CPNE1: variants seen among roughly 807,000 people sequenced by gnomAD.
The protein encoded by CPNE1 is copine-1.
In CPNE1, 58 loss-of-function variants were observed where a neutral mutation model predicts 63.2. The observed-to-expected ratio is 0.92, with a 90% CI of 0.74 to 1.14. The LOEUF is 1.14. CPNE1 is among the 50% of genes most tolerant of loss of function. CPNE1 has a pLI of 0.00. For missense variants in CPNE1, 672 were observed against 661.7 expected (o/e 1.02, Z -0.17); for synonymous variants, 237 against 249.0 (o/e 0.95, Z 0.45).
chr20:35,627,608 TAAATCAC>T, intron 13 of CPNE1, 195 bp from the exon 14 acceptor site: 2 of 505,238 alleles, frequency 4.0e-6, no homozygotes, highest in East Asian at 6.6e-5. Context: ...GGACTTGCCC[TAAATCAC>T]AGCTTGAATT....
chr20:35,633,035 C>A, intron 1 of CPNE1, 112 bp from the exon 2 acceptor site: 1 of 739,112 alleles, frequency 1.4e-6, no homozygotes, highest in Middle Eastern at 4.0e-4. Context: ...GCTGAGCATA[C>A]GTCCACCCCC....
At chr20:35,660,707 T>C (rs2034184663) in intron 1 of CPNE1, among the ~76,000 whole-genome samples, 2 of 152,216 alleles carry the variant, frequency 1.3e-5, no homozygotes, top group Non-Finnish European at 2.9e-5. Flanking sequence ...AGGGTAACTT[T>C]CTAGTTTCTA....
intron 3 of CPNE1, 66 bp from the exon 4 acceptor site, chr20:35,632,451 C>T (rs1228856692): frequency 6.2e-7 from 1 of 1,604,388 alleles, no homozygotes; most frequent in Non-Finnish European, 8.5e-7. Flanking sequence ...TGCCCCCTAC[C>T]TCCAGGCAGG....
intron 1 of CPNE1, among the ~76,000 whole-genome samples, chr20:35,661,686 C>A (rs541423782): frequency 1.3e-5 from 2 of 152,288 alleles, no homozygotes; most frequent in Admixed American, 1.3e-4. Context: ...GACAGACTTT[C>A]GTATTTACTA....
Position 35,626,237 on chromosome 20 carries a change from G to A in CPNE1, c.*4C>T. The stretch of plus-strand genomic sequence containing the variant: ...TGAGGACTTGCCACAGCCTCCAAGG[G>A]AACCTAGGCCTGGGGGGCCTGTGCA... On this transcript the variant is annotated 3_prime_UTR_variant, in exon 16 of 16. Coordinates refer to ENST00000397443, the MANE Select transcript of CPNE1 (RefSeq NM_152925.3). The A allele has an allele frequency of 1.2e-6, 2 of 1,614,138 alleles. No homozygotes were observed. Among genetic ancestry groups the A allele is most frequent in the South Asian group, 1.1e-5 (1 of 91,080 alleles).
chr20:35,631,110 T>G lies in CPNE1; in HGVS notation c.861+4A>C. The G allele has an allele frequency of 6.2e-7, 1 of 1,614,082 alleles. No homozygotes were observed. Among genetic ancestry groups the G allele is most frequent in the Non-Finnish European group, 8.5e-7 (1 of 1,180,020 alleles). On this transcript the variant is annotated splice_donor_region_variant and intron_variant, in intron 10 of 15. Coordinates refer to ENST00000397443, the MANE Select transcript of CPNE1 (RefSeq NM_152925.3). Reference sequence around the variant, plus strand: ...GTTCTCTTGCCCTTGGTAAAGTAACTTACAGTGAAGTTGATCTGACAGCCT... The same window carrying G: ...GTTCTCTTGCCCTTGGTAAAGTAACGTACAGTGAAGTTGATCTGACAGCCT...
chr20:35,643,501 C>T (rs2032934526), intron 1 of CPNE1: 1 of 152,216 alleles, frequency 6.6e-6, no homozygotes, highest in African/African-American at 2.4e-5. Context: ...CCTGTAATCC[C>T]AGCACTTTGG....
rs1601413058 is a variant in CPNE1, at chr20:35,626,685, C to A, written c.1355G>T (p.Gly452Val). The A allele has an allele frequency of 6.2e-7, 1 of 1,614,184 alleles. No homozygotes were observed. Among genetic ancestry groups the A allele is most frequent in the African/African-American group, 1.3e-5 (1 of 75,044 alleles). ...PMSVIIVGVG[G>V]ADFEAMEQLD... ...CTGCTCCATGGCCTCAAAGTCAGCA[C>A]CACCCACACCCACAATGATCACTGA... is the stretch of plus-strand genomic sequence containing the variant. The change falls in exon 15 of 16, where the codon GGT (glycine) becomes GTT (valine). Residue 452 changes from glycine to valine, a missense_variant. Coordinates refer to ENST00000397443, the MANE Select transcript of CPNE1 (RefSeq NM_152925.3).
rs745592128 is a variant in CPNE1, at chr20:35,626,654, G to A, written c.1386C>T (p.Asp462=). The change falls in exon 15 of 16, where the codon GAC becomes GAT. Residue 462 remains aspartate, a synonymous_variant. Coordinates refer to ENST00000397443, the MANE Select transcript of CPNE1 (RefSeq NM_152925.3). ...GADFEAMEQL[D]ADGGPLHTRS... ...GTGTATGCAGGGGTCCACCATCAGC[G>A]TCCAGCTGCTCCATGGCCTCAAAGT... 1.2e-5 allele frequency: 20 copies of A among 1,614,030 alleles called. No individual in the cohort carries two copies. The highest frequency in any genetic ancestry group is 1.6e-4 in the Middle Eastern group (1 of 6,084).
In CPNE1 at chr20:35,626,605, C is replaced by T. The variant is rs750683312; in HGVS notation, c.1435G>A (p.Asp479Asn). 8 of 1,614,050 alleles carry T rather than the reference C, an allele frequency of 5.0e-6. No individual in the cohort carries two copies. Among genetic ancestry groups the T allele is most frequent in the African/African-American group, 2.7e-5 (2 of 74,914 alleles). Residue 479 changes from aspartate (D) to asparagine (N), a missense_variant, in exon 15 of 16, where the codon GAC (aspartate) becomes AAC (asparagine). Asp to Asn is a conservative substitution (Grantham distance 23). Transcript: ENST00000397443. ...CGGTAGGGTACAAACTGCACAATGT[C>T]GCGGGCAGCAGCCTGCCCAGAACGT... ...HTRSGQAAAR[D>N]IVQFVPYRRF...
chr20:35,631,639 C>T (rs1304548063), intron 7 of CPNE1, 49 bp downstream of exon 7: 2 of 1,607,246 alleles, frequency 1.2e-6, no homozygotes, highest in East Asian at 2.2e-5. Flanking sequence ...TAAGTCCCTC[C>T]CCAGGTTCTC....
chr20:35,652,375 A>G, intron 1 of CPNE1: 1 of 863,264 alleles, frequency 1.2e-6, no homozygotes, highest in Non-Finnish European at 1.8e-6. Context: ...TCTTCTGTAA[A>G]CAGTCAACCA....
At chr20:35,635,373 TAGAC>T (rs1479196845) in intron 1 of CPNE1, among the ~76,000 whole-genome samples, 1 of 152,118 alleles carries the variant, frequency 6.6e-6, no homozygotes, top group African/African-American at 2.4e-5. Flanking sequence ...CCCAAGCACC[TAGAC>T]AATACATATT....
At chr20:35,646,684 C>G (rs1176874386) in intron 1 of CPNE1, among the ~76,000 whole-genome samples, 2 of 152,120 alleles carry the variant, frequency 1.3e-5, no homozygotes, top group African/African-American at 4.8e-5. Context: ...AAATGAACAG[C>G]AGCAGAATGG....
rs542564329 is a variant in CPNE1, at chr20:35,653,662, C to T, written c.-1+11098G>A. 5.6e-6 allele frequency: 9 copies of T among 1,614,042 alleles called. No individual in the cohort carries two copies. In the East Asian group the frequency reaches 1.3e-4, roughly 24 times the overall value. On this transcript the variant is annotated intron_variant, in intron 1 of 15. Transcript: ENST00000397443. ...CTGAAGAACATCCATCTTTGTAATG[C>T]TGAATGGAATATTTGTTATGTGGGC...
intron 1 of CPNE1, among the ~76,000 whole-genome samples, chr20:35,640,018 G>A (rs1229785001): frequency 6.6e-6 from 1 of 152,162 alleles, no homozygotes; most frequent in Non-Finnish European, 1.5e-5. Flanking sequence ...TCTCACTGAT[G>A]TGAGCCCCTA....
intron 1 of CPNE1, chr20:35,652,604 G>C (rs771201211): frequency 6.2e-7 from 1 of 1,614,136 alleles, no homozygotes; most frequent in Non-Finnish European, 8.5e-7. Flanking sequence ...GCTTCATCCC[G>C]AGACTCAAAG....
At chr20:35,647,562 G>T (rs528923943) in intron 1 of CPNE1, 14 of 152,192 alleles carry the variant, frequency 9.2e-5, no homozygotes, top group African/African-American at 3.1e-4. Flanking sequence ...CCCTGGGTCT[G>T]AAATGTTTAT....
chr20:35,628,109 G>A (rs544473994), intron 13 of CPNE1, among the ~76,000 whole-genome samples: 4 of 151,370 alleles, frequency 2.6e-5, no homozygotes, highest in Admixed American at 6.6e-5. Flanking sequence ...GTGAAACCCC[G>A]TCTCTACTAA....
Sources: allele counts gnomAD v4.1 joint callset (sites outside exome capture counted in the v4.1 genomes callset), GRCh38; gene constraint gnomAD v4.1.1; transcripts MANE v1.5; gene names NCBI Gene and HGNC (gene_info 2026-07-23, HGNC 2026-07-21).